The following LAMA2 variants were observed in gnomAD, a reference collection of about 807,000 sequenced individuals.
LAMA2 encodes laminin subunit alpha 2, also known as laminin subunit alpha-2.
A neutral mutation model predicts 364.8 loss-of-function variants in LAMA2; 269 were observed. The observed-to-expected ratio is 0.74, with a 90% CI of 0.67 to 0.82. LAMA2 has a LOEUF of 0.82. LAMA2 is among the 40% of genes least tolerant of loss of function. The probability of loss-of-function intolerance (pLI) is 0.00; values close to 1 mark genes in which losing one functional copy is unlikely to be tolerated. For synonymous variants in LAMA2, 1,379 were observed against 1,370.6 expected (o/e 1.01, Z -0.14); for missense variants, 3,807 against 3,873.2 (o/e 0.98, Z 0.45).
At position 129,264,007 on chromosome 6, in the gene LAMA2, G is replaced by T. The variant is rs192676855; in HGVS notation, c.2209-3099G>T. 1.1e-4 allele frequency among the ~76,000 whole-genome samples: 17 copies of T among 152,248 alleles called. 1 individual carries two copies. The East Asian group carries it at 2.3e-3, about 21-fold the overall frequency. The stretch of plus-strand genomic sequence containing the variant: ...AATCCTCCCACCTCAGCCTCCCAAA[G>T]TTCTGGGGTTACAGGCATGGGCCAA... On this transcript the variant is annotated intron_variant, in intron 15 of 64. Coordinates refer to ENST00000421865, the MANE Select transcript of LAMA2 (RefSeq NM_000426.4).
chr6:129,488,898 TTTG>T (rs1468265218), intron 56 of LAMA2, among the ~76,000 whole-genome samples: 1 of 152,220 alleles, frequency 6.6e-6, no homozygotes, highest in African/African-American at 2.4e-5. Flanking sequence ...ACAAAGATGA[TTTG>T]TTTTCATTGT....
At chr6:128,899,908 C>T (rs139373649) in intron 1 of LAMA2, among the ~76,000 whole-genome samples, 1 of 152,190 alleles carries the variant, frequency 6.6e-6, no homozygotes, top group Non-Finnish European at 1.5e-5. Flanking sequence ...AATTATACTA[C>T]ATAAGATTAA....
intron 40 of LAMA2, among the ~76,000 whole-genome samples, chr6:129,414,980 A>T (rs1414592938): frequency 6.6e-6 from 1 of 152,206 alleles, no homozygotes; most frequent in Non-Finnish European, 1.5e-5. Flanking sequence ...AGAATATCAC[A>T]TCACATTTTC....
At chr6:129,121,542 A>G (rs999447367) in intron 4 of LAMA2, among the ~76,000 whole-genome samples, 9 of 152,152 alleles carry the variant, frequency 5.9e-5, no homozygotes, top group African/African-American at 1.9e-4. Context: ...AATTTTACAT[A>G]TTAGAAGTGG....
chr6:128,962,185 T>TACACACACAC (rs1554335791), intron 1 of LAMA2, among the ~76,000 whole-genome samples: 36 of 103,930 alleles, frequency 3.5e-4, no homozygotes, highest in Admixed American at 9.7e-4. Context: ...TATATATATA[T>TACACACACAC]ACACACATAC....
At chr6:129,261,937 T>C (rs1448783484) in intron 15 of LAMA2, among the ~76,000 whole-genome samples, 3 of 152,126 alleles carry the variant, frequency 2.0e-5, no homozygotes, top group Non-Finnish European at 2.9e-5. Flanking sequence ...AAATACACAA[T>C]GTATTTGATG....
chr6:129,238,386 G>T (rs968747470), intron 12 of LAMA2, among the ~76,000 whole-genome samples: 2 of 152,160 alleles, frequency 1.3e-5, no homozygotes, highest in South Asian at 4.1e-4. Context: ...ACCCTTCAAA[G>T]TAGGTATTTT....
chr6:129,277,187 G>A (rs79592959), intron 17 of LAMA2, among the ~76,000 whole-genome samples: 223 of 152,248 alleles, frequency 1.5e-3, no homozygotes, highest in Non-Finnish European at 3.0e-3. Flanking sequence ...TGTGGAGCTA[G>A]CCAAATAGAG....
intron 32 of LAMA2, among the ~76,000 whole-genome samples, chr6:129,362,371 C>T (rs1777515162): frequency 6.6e-6 from 1 of 152,150 alleles, no homozygotes; most frequent in African/African-American, 2.4e-5. Context: ...CTTGTTCTCA[C>T]ATTCAGAAGT....
intron 1 of LAMA2, among the ~76,000 whole-genome samples, chr6:128,978,349 CTTTT>C (rs1236313304): frequency 4.1e-5 from 6 of 147,938 alleles, no homozygotes; most frequent in East Asian, 3.9e-4. Context: ...TTCTTTCTTT[CTTTT>C]TTTTTTTTTT....
At chr6:129,010,190 G>C (rs1412306764) in intron 1 of LAMA2, among the ~76,000 whole-genome samples, 1 of 152,166 alleles carries the variant, frequency 6.6e-6, no homozygotes, top group Non-Finnish European at 1.5e-5. Context: ...TGGTGAACCA[G>C]AATGATCCTG....
chr6:129,453,224 C>T, intron 46 of LAMA2, 93 bp downstream of exon 46: 1 of 1,190,672 alleles, frequency 8.4e-7, no homozygotes, highest in South Asian at 1.2e-5. Context: ...TGTATATGGT[C>T]CCCAAATGGT....
Position 129,314,969 on chromosome 6 carries a change from A to G in LAMA2, c.3555+171A>G, listed in dbSNP as rs117254067. On this transcript the variant is annotated intron_variant, in intron 24 of 64. Transcript: ENST00000421865. ...ACGTGCCATTAGAGAGTTGGAGTAA[A>G]TGCCTTTCTTATTTGTTCTTAAAAG... 5.2e-3 allele frequency among the ~76,000 whole-genome samples: 790 copies of G among 152,330 alleles called. 9 individuals are homozygous for G. The highest frequency in any genetic ancestry group is 6.4e-3 in the Non-Finnish European group (435 of 68,030).
chr6:129,178,224 A>C (rs1465907594), intron 10 of LAMA2, among the ~76,000 whole-genome samples: 1 of 152,208 alleles, frequency 6.6e-6, no homozygotes, highest in Non-Finnish European at 1.5e-5. Context: ...TTCAGTAATG[A>C]ATTCTGTCAA....
intron 37 of LAMA2, among the ~76,000 whole-genome samples, chr6:129,393,841 T>C (rs1373780625): frequency 6.6e-6 from 1 of 152,114 alleles, no homozygotes; most frequent in Non-Finnish European, 1.5e-5. Context: ...CTTGGAAAAA[T>C]TTTGGTTCCT....
intron 2 of LAMA2, among the ~76,000 whole-genome samples, chr6:129,054,468 G>T (rs1338459518): frequency 6.6e-6 from 1 of 152,076 alleles, no homozygotes; most frequent in African/African-American, 2.4e-5. Context: ...ATTTCATAGA[G>T]AATGTGAGAA....
At position 129,146,165 on chromosome 6, in the gene LAMA2, T is replaced by TTG. The variant is rs531953009; in HGVS notation, c.820-784_820-783dup. ...CATATTCTAGCTAAATCTGTTTTTT[T>TTG]TGTGTGTGTGTATAATTGGAATAAT... On this transcript the variant is annotated intron_variant, in intron 5 of 64. Transcript: ENST00000421865. 8.2e-3 allele frequency among the ~76,000 whole-genome samples: 1,252 copies of TTG among 151,980 alleles called. 10 individuals are homozygous for TTG. The highest frequency in any genetic ancestry group is 0.014 in the Non-Finnish European group (935 of 67,876).
In LAMA2 at chr6:129,479,525, A is replaced by AGAG. The variant is rs543770099; in HGVS notation, c.7572+713_7572+715dup. The AGAG allele has an allele frequency of 5.5e-4, 84 of 152,378 alleles. 3 individuals are homozygous for AGAG. The highest frequency in any genetic ancestry group is 2.0e-3 in the African/African-American group (82 of 41,594). The allele number at this position is 152,378 out of a possible 1,614,324, so 9.4% of individuals were successfully genotyped here. A position where few individuals can be genotyped will look rare whatever the true frequency, so the allele number is the denominator to read the frequency against. On this transcript the variant is annotated intron_variant, in intron 54 of 64. Transcript: ENST00000421865. ...TACTCTCTTAAAATATCCATAAGCAAGAGTCAATAGTCAACAGCAAATATT... is the reference window on the plus strand; with the variant it reads ...TACTCTCTTAAAATATCCATAAGCAAGAGGAGTCAATAGTCAACAGCAAATATT...
intron 1 of LAMA2, among the ~76,000 whole-genome samples, chr6:128,925,739 C>T (rs144293184): frequency 1.7e-3 from 253 of 152,208 alleles, no homozygotes; most frequent in African/African-American, 5.8e-3. Flanking sequence ...CAGAGAAAAC[C>T]AATGTCTTTA....
Sources: gnomAD v4.1 joint callset for allele counts (sites outside exome capture counted in the v4.1 genomes callset) on GRCh38, gnomAD v4.1.1 for gene constraint, MANE v1.5 for transcripts, NCBI Gene and HGNC (gene_info 2026-07-23, HGNC 2026-07-21) for gene names.